Variants in SH3RF1 observed in about 807,000 individuals in gnomAD.
SH3RF1 encodes the protein E3 ubiquitin-protein ligase SH3RF1.
A neutral mutation model predicts 74.0 loss-of-function variants in SH3RF1; 32 were observed. The ratio of observed to expected loss-of-function variants is 0.43; its 90% CI spans 0.33 to 0.58. The LOEUF is 0.58. Among genes scored for constraint, SH3RF1 ranks in the 20% least tolerant of loss-of-function variants. SH3RF1 has a pLI of 0.05. For missense variants in SH3RF1, 954 were observed against 1,130.9 expected (o/e 0.84, Z 2.24); for synonymous variants, 396 against 439.6 (o/e 0.90, Z 1.24).
Position 169,268,956 on chromosome 4 carries a change from C to A in SH3RF1, c.257G>T (p.Gly86Val). The A allele has an allele frequency of 6.2e-7, 1 of 1,614,194 alleles. No individual in the cohort carries two copies. The highest frequency in any genetic ancestry group is 8.5e-7 in the Non-Finnish European group (1 of 1,180,040). ...TGTGCAGTTGGTCCCACTTCCCCCA[C>A]CAGGACCAGGTTTCCAAGGCCTCTG... ...IKQRPWKPGP[G>V]GGSGTNCTNA... Residue 86 changes from glycine to valine, a missense_variant, in exon 2 of 12, where the codon GGT (glycine) becomes GTT (valine). Coordinates refer to ENST00000284637, the MANE Select transcript of SH3RF1 (RefSeq NM_020870.4).
chr4:169,151,980 A>C (rs1733983747), intron 4 of SH3RF1, among the ~76,000 whole-genome samples: 1 of 152,242 alleles, frequency 6.6e-6, no homozygotes, highest in Admixed American at 6.5e-5. Flanking sequence ...CTCCAAATTA[A>C]TAGGGTTAAA....
chr4:169,243,128 G>C (rs1237186726), intron 2 of SH3RF1, among the ~76,000 whole-genome samples: 1 of 152,056 alleles, frequency 6.6e-6, no homozygotes, highest in African/African-American at 2.4e-5. Flanking sequence ...TCTCTCATTA[G>C]CCTAGAATAA....
rs535362801 is a variant in SH3RF1 at position 169,159,726 on chromosome 4, A to C, written c.394-3047T>G. ...GTGTAAAAAGCCTCTTTACCAGTGA[A>C]ATGGGGCACCTGACAATGCATTTGT... On this transcript the variant is annotated intron_variant, in intron 2 of 11. Coordinates refer to ENST00000284637, the MANE Select transcript of SH3RF1 (RefSeq NM_020870.4). 2.6e-5 allele frequency among the ~76,000 whole-genome samples: 4 copies of C among 152,328 alleles called. No homozygotes were observed. In the East Asian group the frequency reaches 5.8e-4, roughly 22 times the overall value.
intron 2 of SH3RF1, among the ~76,000 whole-genome samples, chr4:169,254,889 G>A (rs775833216): frequency 4.6e-5 from 7 of 152,172 alleles, no homozygotes; most frequent in South Asian, 4.1e-4. Flanking sequence ...ACATGTAAAC[G>A]AAACTCAGTT....
chr4:169,237,811 GCTTATTCAAGAC>G (rs1730843811), intron 2 of SH3RF1, among the ~76,000 whole-genome samples: 1 of 152,076 alleles, frequency 6.6e-6, no homozygotes, highest in Non-Finnish European at 1.5e-5. Flanking sequence ...TAAGAAATAA[GCTTATTCAAGAC>G]CTGTAGGACC....
Position 169,117,544 on chromosome 4 carries a change from C to A in SH3RF1, c.1756G>T (p.Ala586Ser). 1 of 1,614,220 alleles carries A rather than the reference C, an allele frequency of 6.2e-7. No individual in the cohort carries two copies. The highest frequency in any genetic ancestry group is 8.5e-7 in the Non-Finnish European group (1 of 1,180,042). Residue 586 changes from alanine (A) to serine (S), a missense_variant, in exon 9 of 12, where the codon GCC (alanine) becomes TCC (serine). Around this residue, in one of 3 missense-constraint regions of SH3RF1, gnomAD observed 854 missense variants for 962.5 expected, o/e 0.89. Coordinates refer to ENST00000284637, the MANE Select transcript of SH3RF1 (RefSeq NM_020870.4). ...HMTGQMTVNQ[A>S]RNAVRTVAAH... ...TTACCTGTCCTCACAGCATTGCGGG[C>A]CTGGTTGACTGTCATTTGCCCCGTC...
chr4:169,194,392 T>C (rs149001583), intron 2 of SH3RF1, among the ~76,000 whole-genome samples: 1 of 152,280 alleles, frequency 6.6e-6, no homozygotes, highest in East Asian at 1.9e-4. Flanking sequence ...ACCACAATCA[T>C]GGCTTTTGCC....
At chr4:169,126,354 C>A (rs981826006) in intron 6 of SH3RF1, among the ~76,000 whole-genome samples, 1 of 152,170 alleles carries the variant, frequency 6.6e-6, no homozygotes, top group Non-Finnish European at 1.5e-5. Flanking sequence ...CTGACCATAT[C>A]CTACTCTTCA....
chr4:169,251,424 A>G (rs1338238038), intron 2 of SH3RF1, among the ~76,000 whole-genome samples: 1 of 152,200 alleles, frequency 6.6e-6, no homozygotes, highest in African/African-American at 2.4e-5. Context: ...CGTGCACAAA[A>G]CAAGATGACC....
intron 2 of SH3RF1, among the ~76,000 whole-genome samples, chr4:169,171,081 A>C (rs1489537357): frequency 1.3e-5 from 2 of 152,258 alleles, no homozygotes; most frequent in Admixed American, 1.3e-4. Context: ...GTATAACCTA[A>C]CCAGATTTGT....
At chr4:169,163,563 A>G (rs1270205973) in intron 2 of SH3RF1, among the ~76,000 whole-genome samples, 1 of 152,220 alleles carries the variant, frequency 6.6e-6, no homozygotes, top group Non-Finnish European at 1.5e-5. Flanking sequence ...AGTAACAAGG[A>G]TAATTCCTGA....
intron 2 of SH3RF1, among the ~76,000 whole-genome samples, chr4:169,165,735 T>A (rs1235710428): frequency 6.6e-6 from 1 of 152,180 alleles, no homozygotes; most frequent in Non-Finnish European, 1.5e-5. Flanking sequence ...GATGCTCATA[T>A]AATTTAAACA....
At chr4:169,196,187 T>C (rs921066774) in intron 2 of SH3RF1, among the ~76,000 whole-genome samples, 1 of 152,328 alleles carries the variant, frequency 6.6e-6, no homozygotes, top group Non-Finnish European at 1.5e-5. Context: ...TCTATTGCTA[T>C]TGTTTCCCTA....
At chr4:169,165,507 C>T (rs555275705) in intron 2 of SH3RF1, among the ~76,000 whole-genome samples, 38 of 152,118 alleles carry the variant, frequency 2.5e-4, no homozygotes, top group African/African-American at 8.9e-4. Flanking sequence ...TCTGGTGAAA[C>T]CCCATCTCTT....
chr4:169,194,648 T>G (rs1734781623), intron 2 of SH3RF1, among the ~76,000 whole-genome samples: 1 of 152,162 alleles, frequency 6.6e-6, no homozygotes, highest in Non-Finnish European at 1.5e-5. Flanking sequence ...CAGGTGTTAG[T>G]TATTATGAAT....
intron 6 of SH3RF1, among the ~76,000 whole-genome samples, chr4:169,126,889 A>G (rs555057751): frequency 3.3e-5 from 5 of 152,326 alleles, no homozygotes; most frequent in Non-Finnish European, 5.9e-5. Context: ...TCACACCCAG[A>G]CTAAAATTTT....
At chr4:169,105,289 TAA>T (rs576611356) in intron 11 of SH3RF1, among the ~76,000 whole-genome samples, 239 of 152,330 alleles carry the variant, frequency 1.6e-3, no homozygotes, top group African/African-American at 5.3e-3. Context: ...ATATAAGATA[TAA>T]AAAGAGTCCA....
At chr4:169,124,262 T>C (rs535266687) in intron 6 of SH3RF1, among the ~76,000 whole-genome samples, 3 of 152,314 alleles carry the variant, frequency 2.0e-5, no homozygotes, top group South Asian at 4.1e-4. Context: ...TCATCTATTA[T>C]AGCTTAACTT....
intron 4 of SH3RF1, 98 bp from the exon 5 acceptor site, chr4:169,136,718 T>G (rs1359623461): frequency 9.8e-6 from 13 of 1,330,396 alleles, no homozygotes; most frequent in Non-Finnish European, 1.3e-5. Flanking sequence ...AAATTTAAAG[T>G]CACTACTTTA....
Sources: allele counts gnomAD v4.1 joint callset (sites outside exome capture counted in the v4.1 genomes callset), GRCh38; gene constraint gnomAD v4.1.1; regional missense constraint gnomAD v4.1.1; transcripts MANE v1.5; gene names NCBI Gene and HGNC (gene_info 2026-07-23, HGNC 2026-07-21).